STK32A: variants seen among roughly 807,000 people sequenced by gnomAD.
The protein encoded by STK32A is serine/threonine kinase 32A.
STK32A carries 41 observed loss-of-function variants against 53.2 expected under a neutral mutation model. The ratio of observed to expected loss-of-function variants is 0.77; its 90% CI spans 0.60 to 1.00. The LOEUF (loss-of-function observed/expected upper bound fraction) is 1.00, where lower values mean the gene tolerates loss of function less well. STK32A is among the 50% of genes least tolerant of loss of function. The probability of loss-of-function intolerance (pLI) is 0.00; values close to 1 mark genes in which losing one functional copy is unlikely to be tolerated. For synonymous variants in STK32A, 166 were observed against 162.8 expected, an observed-to-expected ratio of 1.02 and a Z score of -0.15; for missense variants, 458 against 485.8, an observed-to-expected ratio of 0.94 and a Z score of 0.54.
chr5:147,319,239 T>C (rs1581087673), intron 4 of STK32A, among the ~76,000 whole-genome samples: 1 of 150,208 alleles, frequency 6.7e-6, no homozygotes, highest in South Asian at 2.1e-4. Context: ...GCCTCCTGGG[T>C]TCAAGCCATT....
chr5:147,319,265 C>T (rs978610013), intron 4 of STK32A, among the ~76,000 whole-genome samples: 9 of 151,800 alleles, frequency 5.9e-5, no homozygotes, highest in Non-Finnish European at 1.0e-4. Flanking sequence ...GCCTCAGCCT[C>T]CCGAGTAGCT....
At chr5:147,364,386 G>A (rs1756653099) in intron 8 of STK32A, among the ~76,000 whole-genome samples, 1 of 151,936 alleles carries the variant, frequency 6.6e-6, no homozygotes, top group Non-Finnish European at 1.5e-5. Flanking sequence ...ATTTCTGTCA[G>A]ACCTCACCAG....
intron 4 of STK32A, 107 bp downstream of exon 4, chr5:147,279,505 C>A: frequency 1.0e-6 from 1 of 962,578 alleles, no homozygotes; most frequent in Non-Finnish European, 1.5e-6. Flanking sequence ...TATCCAGGCT[C>A]TTGACACAAT....
At chr5:147,279,486 C>T (rs1399496820) in intron 4 of STK32A, 88 bp downstream of exon 4, 5 of 1,204,188 alleles carry the variant, frequency 4.2e-6, no homozygotes, top group Non-Finnish European at 5.7e-6. Context: ...GGACCTCAGC[C>T]CTGGCTGGTA....
chr5:147,383,517 C>G lies in STK32A; in HGVS notation c.1097+12C>G, dbSNP rs1316673704. The G allele has an allele frequency of 1.3e-6, 2 of 1,576,660 alleles. No homozygotes were observed. The highest frequency in any genetic ancestry group is 1.8e-5 in the Admixed American group (1 of 55,196). ...TTCAACAGAGAAAAGTAAGTAATTCCTGGGAGAACAACAGCCCCAGAAATG... is the reference window on the plus strand; with the variant it reads ...TTCAACAGAGAAAAGTAAGTAATTCGTGGGAGAACAACAGCCCCAGAAATG... On this transcript the variant is annotated intron_variant, in intron 12 of 12. Transcript: ENST00000397936.
chr5:147,290,957 T>C (rs1752572262), intron 4 of STK32A, among the ~76,000 whole-genome samples: 1 of 152,160 alleles, frequency 6.6e-6, no homozygotes, highest in South Asian at 2.1e-4. Flanking sequence ...ATTAAAATAA[T>C]GTAAGCTATT....
chr5:147,383,718 G>C (rs1390555904), intron 12 of STK32A, among the ~76,000 whole-genome samples, 172 bp from the exon 13 acceptor site: 1 of 152,118 alleles, frequency 6.6e-6, no homozygotes, highest in Non-Finnish European at 1.5e-5. Flanking sequence ...TTTTGTTTGT[G>C]AGAAGGGAAG....
intron 4 of STK32A, among the ~76,000 whole-genome samples, chr5:147,313,864 T>C (rs146348011): frequency 2.0e-4 from 30 of 152,240 alleles, no homozygotes; most frequent in Non-Finnish European, 3.2e-4. Context: ...CAACTGTATA[T>C]CCAAATGTAA....
intron 8 of STK32A, among the ~76,000 whole-genome samples, chr5:147,369,851 A>T (rs1291387527): frequency 1.3e-5 from 2 of 152,170 alleles, no homozygotes; most frequent in African/African-American, 4.8e-5. Context: ...AACAAGAATG[A>T]TATAATCTCT....
intron 5 of STK32A, among the ~76,000 whole-genome samples, chr5:147,336,976 T>C (rs1755163893): frequency 1.3e-5 from 2 of 152,208 alleles, no homozygotes; most frequent in African/African-American, 4.8e-5. Context: ...ATTTCCTTGT[T>C]TGCTATTTTC....
In STK32A at chr5:147,323,912, A is replaced by T; in HGVS notation, c.275A>T (p.Asp92Val). 1.2e-5 allele frequency: 19 copies of T among 1,613,056 alleles called. No individual in the cohort carries two copies. The highest frequency in any genetic ancestry group is 1.6e-5 in the Non-Finnish European group (19 of 1,179,530). Residue 92 changes from aspartate to valine, a missense_variant, in exon 5 of 13, where the codon GAT (aspartate) becomes GTT (valine). Transcript: ENST00000397936. The stretch of plus-strand genomic sequence containing the variant: ...TGTAATTCCAGGTATTCCTTCCAAG[A>T]TGAGGAAGACATGTTCATGGTGGTG... ...FLVNLWYSFQDEEDMFMVVDL... is the reference protein window; with the variant it reads ...FLVNLWYSFQVEEDMFMVVDL...
At chr5:147,348,580 A>G in intron 6 of STK32A, 3 of 702,872 alleles carry the variant, frequency 4.3e-6, no homozygotes. Flanking sequence ...CTTCTACATG[A>G]GCATACATAA....
At chr5:147,255,661 C>T (rs1754199608) in intron 2 of STK32A, among the ~76,000 whole-genome samples, 1 of 152,124 alleles carries the variant, frequency 6.6e-6, no homozygotes, top group South Asian at 2.1e-4. Context: ...TGCAAACTAC[C>T]CCTCTTTCTG....
chr5:147,292,098 C>T (rs1037557213), intron 4 of STK32A, among the ~76,000 whole-genome samples: 9 of 152,150 alleles, frequency 5.9e-5, no homozygotes, highest in African/African-American at 2.2e-4. Flanking sequence ...GGTTTCTAGG[C>T]CTGTCAAATG....
At position 147,386,555 on chromosome 5, in the gene STK32A, T is replaced by A. The variant is rs1757649459; in HGVS notation, c.*2572T>A. 1 of 152,220 alleles carries A rather than the reference T, an allele frequency of 6.6e-6. No homozygotes were observed. Among genetic ancestry groups the A allele is most frequent in the Admixed American group, 6.5e-5 (1 of 15,274 alleles). 9.4% of individuals were successfully genotyped at this position (152,220 alleles called of 1,614,324 possible). A position where few individuals can be genotyped will look rare whatever the true frequency, so the allele number is the denominator to read the frequency against. ...TTAAGCCATAGTGCCATTTCACACG[T>A]ATACATTTATGATGGGATGGGAACC... is the stretch of plus-strand genomic sequence containing the variant. On this transcript the variant is annotated 3_prime_UTR_variant, in exon 13 of 13. Coordinates refer to ENST00000397936, the MANE Select transcript of STK32A (RefSeq NM_001112724.2).
At chr5:147,324,127 C>G in intron 5 of STK32A, 56 bp downstream of exon 5, 1 of 1,459,504 alleles carries the variant, frequency 6.9e-7, no homozygotes, top group Non-Finnish European at 9.2e-7. Flanking sequence ...GAATCCACAA[C>G]TGGCTACCTT....
At chr5:147,373,927 C>G (rs1208486198) in intron 10 of STK32A, among the ~76,000 whole-genome samples, 2 of 152,156 alleles carry the variant, frequency 1.3e-5, no homozygotes, top group Admixed American at 6.6e-5. Flanking sequence ...CTGCCTAGAA[C>G]TGAAATTATA....
intron 4 of STK32A, among the ~76,000 whole-genome samples, chr5:147,285,838 C>T (rs1274111797): frequency 6.6e-6 from 1 of 152,052 alleles, no homozygotes; most frequent in African/African-American, 2.4e-5. Flanking sequence ...TTCTACACTG[C>T]TGGTGGGAAT....
At chr5:147,253,659 A>G (rs1298704262) in intron 2 of STK32A, among the ~76,000 whole-genome samples, 2 of 152,158 alleles carry the variant, frequency 1.3e-5, no homozygotes, top group South Asian at 4.1e-4. Flanking sequence ...CCCAGCCTGC[A>G]TTTATCCTTA....
Sources: allele counts gnomAD v4.1 joint callset (sites outside exome capture counted in the v4.1 genomes callset), GRCh38; gene constraint gnomAD v4.1.1; transcripts MANE v1.5; gene names NCBI Gene and HGNC (gene_info 2026-07-23, HGNC 2026-07-21).